UMAD1: variants seen among roughly 807,000 people sequenced by gnomAD.
The protein encoded by UMAD1 is UBAP1-MVB12-associated (UMA) domain containing 1, also known as UBAP1-MVB12-associated (UMA)-domain containing protein 1.
In UMAD1, 8 loss-of-function variants were observed where a neutral mutation model predicts 6.1. The observed-to-expected ratio is 1.30, with a 90% confidence interval of 0.76 to 2.35. UMAD1 has a LOEUF of 2.35. Among genes scored for constraint, UMAD1 ranks in the 30% most tolerant of loss-of-function variants. The probability of loss-of-function intolerance (pLI) is 0.00; values close to 1 mark genes in which losing one functional copy is unlikely to be tolerated. For synonymous variants in UMAD1, 56 were observed against 31.4 expected (o/e 1.78, Z -2.61); for missense variants, 130 against 78.4 (o/e 1.66, Z -2.49).
chr7:7,650,072 T>C (rs1215724480), intron 1 of UMAD1, among the ~76,000 whole-genome samples: 1 of 152,252 alleles, frequency 6.6e-6, no homozygotes, highest in East Asian at 1.9e-4. Context: ...TTAAGAAGCA[T>C]GCATATTAAT....
At chr7:7,840,888 T>G (rs1783667474) in intron 3 of UMAD1, among the ~76,000 whole-genome samples, 1 of 152,198 alleles carries the variant, frequency 6.6e-6, no homozygotes, top group Non-Finnish European at 1.5e-5. Flanking sequence ...TTGGAGGAGT[T>G]GTACTCCATC....
chr7:7,688,113 T>C (rs1342576437), intron 2 of UMAD1, among the ~76,000 whole-genome samples: 3 of 152,210 alleles, frequency 2.0e-5, no homozygotes, highest in African/African-American at 7.2e-5. Flanking sequence ...CTTCTGACAC[T>C]ACATGTAAAA....
At chr7:7,751,778 G>A (rs1450105441) in intron 2 of UMAD1, among the ~76,000 whole-genome samples, 3 of 152,124 alleles carry the variant, frequency 2.0e-5, no homozygotes, top group Admixed American at 6.5e-5. Context: ...AAGGCTCTGC[G>A]AGGACCTCTA....
chr7:7,643,892 C>CT (rs1785035724), intron 1 of UMAD1, among the ~76,000 whole-genome samples: 1 of 152,106 alleles, frequency 6.6e-6, no homozygotes. Flanking sequence ...GCCTGGGTCT[C>CT]TGTTTCTGCT....
chr7:7,804,370 C>G (rs755750721), intron 3 of UMAD1, among the ~76,000 whole-genome samples: 2 of 152,140 alleles, frequency 1.3e-5, no homozygotes, highest in Admixed American at 6.5e-5. Context: ...GTTATTCCTC[C>G]CCTTTAAAAT....
intron 3 of UMAD1, among the ~76,000 whole-genome samples, chr7:7,809,576 C>T (rs1427753259): frequency 6.6e-6 from 1 of 151,828 alleles, no homozygotes; most frequent in Non-Finnish European, 1.5e-5. Context: ...TCTCTTTTAG[C>T]AATTTTGAGT....
intron 1 of UMAD1, among the ~76,000 whole-genome samples, chr7:7,647,470 G>T (rs999686541): frequency 1.3e-5 from 2 of 152,202 alleles, no homozygotes; most frequent in Non-Finnish European, 2.9e-5. Context: ...GTTGGATCCA[G>T]TGTGTAAATT....
chr7:7,771,415 C>T (rs1297540281), intron 2 of UMAD1, among the ~76,000 whole-genome samples: 4 of 152,022 alleles, frequency 2.6e-5, no homozygotes. Context: ...GCCATCGCTG[C>T]GGCAGCCACA....
intron 2 of UMAD1, among the ~76,000 whole-genome samples, chr7:7,713,061 G>C (rs139547859): frequency 1.3e-5 from 2 of 152,036 alleles, no homozygotes; most frequent in South Asian, 2.1e-4. Context: ...TTCTAGGGCC[G>C]CGCGCGGTGG....
chr7:7,681,220 A>G (rs1319504405), intron 2 of UMAD1, among the ~76,000 whole-genome samples: 2 of 152,160 alleles, frequency 1.3e-5, no homozygotes, highest in African/African-American at 2.4e-5. Context: ...TGTTTAAGCT[A>G]TAAATTATCT....
At chr7:7,764,687 A>C (rs1781952412) in intron 2 of UMAD1, among the ~76,000 whole-genome samples, 1 of 152,208 alleles carries the variant, frequency 6.6e-6, no homozygotes, top group South Asian at 2.1e-4. Context: ...ATGAGGTCAT[A>C]TTTTTAATGT....
intron 2 of UMAD1, among the ~76,000 whole-genome samples, chr7:7,739,295 C>T (rs558019337): frequency 1.3e-5 from 2 of 152,346 alleles, no homozygotes; most frequent in South Asian, 4.1e-4. Flanking sequence ...AGCTCACTGT[C>T]ATTACCTTGC....
At chr7:7,836,278 A>G (rs1783568564) in intron 3 of UMAD1, among the ~76,000 whole-genome samples, 1 of 151,992 alleles carries the variant, frequency 6.6e-6, no homozygotes, top group South Asian at 2.1e-4. Flanking sequence ...GCTCTTGGAT[A>G]TTTAAAAGTG....
intron 2 of UMAD1, among the ~76,000 whole-genome samples, chr7:7,731,484 C>CCCT (rs1781253569): frequency 7.1e-6 from 1 of 141,784 alleles, no homozygotes; most frequent in Non-Finnish European, 1.5e-5. Flanking sequence ...AACAAACAAC[C>CCCT]CCCCCCCAAA....
chr7:7,670,863 T>TG (rs1297551244), intron 1 of UMAD1, among the ~76,000 whole-genome samples: 1 of 152,176 alleles, frequency 6.6e-6, no homozygotes, highest in Non-Finnish European at 1.5e-5. Flanking sequence ...AGTAGAATTT[T>TG]GGGGGACCCC....
intron 3 of UMAD1, among the ~76,000 whole-genome samples, chr7:7,862,136 G>T (rs896849171): frequency 2.2e-4 from 34 of 151,998 alleles, no homozygotes; most frequent in African/African-American, 7.0e-4. Flanking sequence ...CTTTCTTCTT[G>T]TATTTTTGAC....
rs1372683345 is a variant in UMAD1, at chr7:7,677,702, C to T, written c.82+4249C>T. 5.6e-5 allele frequency among the ~76,000 whole-genome samples: 7 copies of T among 125,282 alleles called. 1 individual carries two copies. The highest frequency in any genetic ancestry group is 2.2e-4 in the African/African-American group (7 of 31,342). 82.2% of individuals were successfully genotyped at this position (125,282 alleles called of 152,430 possible). A position where few individuals can be genotyped will look rare whatever the true frequency, so the allele number is the denominator to read the frequency against. On this transcript the variant is annotated intron_variant, in intron 2 of 3. Transcript: ENST00000682710. ...TTTTTTTTTTTTTTTGAGACGGAGTCTCGCTCTGTCGCCCAGGCTGGAGTG... is the reference window on the plus strand; with the variant it reads ...TTTTTTTTTTTTTTTGAGACGGAGTTTCGCTCTGTCGCCCAGGCTGGAGTG...
At chr7:7,696,814 G>A (rs1329433716) in intron 2 of UMAD1, among the ~76,000 whole-genome samples, 2 of 152,058 alleles carry the variant, frequency 1.3e-5, no homozygotes, top group Non-Finnish European at 2.9e-5. Context: ...CTAACATGTA[G>A]ATGTTCTCTC....
chr7:7,859,680 A>C (rs1257497851), intron 3 of UMAD1, among the ~76,000 whole-genome samples: 1 of 152,220 alleles, frequency 6.6e-6, no homozygotes, highest in Non-Finnish European at 1.5e-5. Context: ...TTGAGACTTG[A>C]GACCAGTGCT....
Sources: gnomAD v4.1 joint callset for allele counts (sites outside exome capture counted in the v4.1 genomes callset) on GRCh38, gnomAD v4.1.1 for gene constraint, MANE v1.5 for transcripts, NCBI Gene and HGNC (gene_info 2026-07-23, HGNC 2026-07-21) for gene names.